The following PARP4 variants were observed in gnomAD, a reference collection of about 807,000 sequenced individuals.
PARP4 encodes the protein protein mono-ADP-ribosyltransferase PARP4.
Under a neutral mutation model 187.7 loss-of-function variants are expected in PARP4, and 120 were observed. The observed-to-expected ratio is 0.64, with a 90% CI of 0.55 to 0.74. PARP4 has a LOEUF of 0.74. Among genes scored for constraint, PARP4 ranks in the 30% least tolerant of loss-of-function variants. The pLI is 0.00. For synonymous variants in PARP4, 654 were observed against 740.9 expected (o/e 0.88, Z 1.90); for missense variants, 1,836 against 2,070.5 (o/e 0.89, Z 2.20).
At chr13:24,466,523 A>G (rs1391568842) in intron 17 of PARP4, among the ~76,000 whole-genome samples, 1 of 152,110 alleles carries the variant, frequency 6.6e-6, no homozygotes, top group East Asian at 1.9e-4. Context: ...GGCTGGGCGC[A>G]GTGGCTCACG....
At chr13:24,440,926 G>A (rs901065966) in intron 30 of PARP4, among the ~76,000 whole-genome samples, 7 of 152,212 alleles carry the variant, frequency 4.6e-5, no homozygotes, top group African/African-American at 1.7e-4. Flanking sequence ...AGGCTGGAGT[G>A]TAGGGGTGCC....
At chr13:24,507,003 C>T (rs965099827) in intron 1 of PARP4, among the ~76,000 whole-genome samples, 11 of 152,222 alleles carry the variant, frequency 7.2e-5, no homozygotes, top group Non-Finnish European at 8.8e-5. Flanking sequence ...GCTGGTGGGC[C>T]GGCACTGCTG....
rs755763082 is a variant in PARP4, at chr13:24,507,130, C to T, written c.-1-3353G>A. 2.0e-4 allele frequency among the ~76,000 whole-genome samples: 31 copies of T among 152,342 alleles called. 1 individual carries two copies. The East Asian group carries it at 4.6e-3, about 23-fold the overall frequency. The stretch of plus-strand genomic sequence containing the variant: ...GGGGACCGCCCAGCCCACGCCCAAC[C>T]GGAACTTGCGCTGGCCCGCAAGCGC... On this transcript the variant is annotated intron_variant, in intron 1 of 33. Coordinates refer to ENST00000381989, the MANE Select transcript of PARP4 (RefSeq NM_006437.4).
chr13:24,441,507 T>C (rs1870924714), intron 30 of PARP4, among the ~76,000 whole-genome samples: 1 of 152,284 alleles, frequency 6.6e-6, no homozygotes, highest in Admixed American at 6.5e-5. Flanking sequence ...GTGGTGAATT[T>C]AGATTATTAG....
In PARP4 at chr13:24,445,449, A is replaced by G. The variant is rs532306791; in HGVS notation, c.3366+1232T>C. ...CCAGAGAGGGGAGAGTTAATCACCA[A>G]TGGCCAATGATTTAATCAACCAGGC... On this transcript the variant is annotated intron_variant, in intron 27 of 33. Coordinates refer to ENST00000381989, the MANE Select transcript of PARP4 (RefSeq NM_006437.4). Among the ~76,000 whole-genome samples the G allele has an allele frequency of 3.9e-5, 6 of 152,068 alleles. No individual in the cohort carries two copies. In the South Asian group the frequency reaches 1.2e-3, roughly 32 times the overall value.
intron 12 of PARP4, among the ~76,000 whole-genome samples, chr13:24,481,834 C>T (rs1873297310): frequency 6.6e-6 from 1 of 152,148 alleles, no homozygotes; most frequent in Non-Finnish European, 1.5e-5. Context: ...ACTGTACTCT[C>T]ACCTGGGCAA....
intron 6 of PARP4, 76 bp downstream of exon 6, chr13:24,498,040 G>C: frequency 1.0e-6 from 1 of 974,688 alleles, no homozygotes; most frequent in Non-Finnish European, 1.6e-6. Flanking sequence ...AAAAGGTTGG[G>C]AGGTCGGCTG....
chr13:24,470,000 T>C lies in PARP4; in HGVS notation c.1940A>G (p.Asn647Ser), dbSNP rs372814746. 1.9e-6 allele frequency: 3 copies of C among 1,613,794 alleles called. No individual in the cohort carries two copies. Among genetic ancestry groups the C allele is most frequent in the Non-Finnish European group, 2.5e-6 (3 of 1,179,768 alleles). The change falls in exon 16 of 34, where the codon AAT becomes AGT. Residue 647 changes from asparagine (N) to serine (S), a missense_variant. Physicochemically the swap from Asn to Ser is conservative, Grantham distance 46 (BLOSUM62 1). Coordinates refer to ENST00000381989, the MANE Select transcript of PARP4 (RefSeq NM_006437.4). The part of the protein sequence containing the change: ...AQVIVFQTYT[N>S]KSHVPIEAKY... ...TGCCTCAATGGGCACGTGACTTTTATTTGTGTATGTCTGAAAAACAATGAC... is the reference window on the plus strand; with the variant it reads ...TGCCTCAATGGGCACGTGACTTTTACTTGTGTATGTCTGAAAAACAATGAC...
intron 24 of PARP4, among the ~76,000 whole-genome samples, chr13:24,450,523 T>G (rs1437401588): frequency 6.6e-6 from 1 of 152,162 alleles, no homozygotes; most frequent in East Asian, 1.9e-4. Flanking sequence ...TAACATTGAC[T>G]AGAAGATCCC....
At chr13:24,423,324 T>G (rs1336410808) in intron 33 of PARP4, among the ~76,000 whole-genome samples, 2 of 152,160 alleles carry the variant, frequency 1.3e-5, no homozygotes, top group Non-Finnish European at 2.9e-5. Context: ...GGCAGATCAC[T>G]TGAGGCCAGA....
Position 24,505,507 on chromosome 13 carries a change from C to CA in PARP4, c.-1-1731dup, listed in dbSNP as rs1489732395. ...GATAAGCCTCTGTTGGCCTTGCGGTCAAGTGGTTAGGAAGGATGTTTCTCA... is the reference window on the plus strand; with the variant it reads ...GATAAGCCTCTGTTGGCCTTGCGGTCAAAGTGGTTAGGAAGGATGTTTCTCA... On this transcript the variant is annotated intron_variant, in intron 1 of 33. Transcript: ENST00000381989. 2.0e-5 allele frequency among the ~76,000 whole-genome samples: 3 copies of CA among 152,086 alleles called. No individual in the cohort carries two copies. The East Asian group carries it at 5.8e-4, about 29-fold the overall frequency.
intron 4 of PARP4, 128 bp from the exon 5 acceptor site, chr13:24,499,504 G>A: frequency 2.8e-6 from 2 of 712,128 alleles, no homozygotes; most frequent in Non-Finnish European, 4.4e-6. Flanking sequence ...CACATGGTAA[G>A]TCCACATGGT....
chr13:24,499,370 A>G lies in PARP4; in HGVS notation c.408T>C (p.Gly136=), dbSNP rs139683851. The part of the protein sequence containing the change: ...EEDTVELTEF[G]MQNVEIPHLP... Reference sequence around the variant, plus strand: ...GATGAGGAATTTCAACATTCTGCATACCAAACCTGAAATTTGTAGTGTATA... The same window carrying G: ...GATGAGGAATTTCAACATTCTGCATGCCAAACCTGAAATTTGTAGTGTATA... Residue 136 remains glycine (G), a synonymous_variant, in exon 5 of 34, where the codon GGT becomes GGC. Coordinates refer to ENST00000381989, the MANE Select transcript of PARP4 (RefSeq NM_006437.4). The G allele has an allele frequency of 6.8e-5, 107 of 1,579,782 alleles. 1 individual carries two copies. The South Asian group carries it at 7.1e-4, about 10-fold the overall frequency.
intron 10 of PARP4, among the ~76,000 whole-genome samples, chr13:24,489,460 T>C (rs1306372146): frequency 6.6e-6 from 1 of 151,896 alleles, no homozygotes; most frequent in Non-Finnish European, 1.5e-5. Flanking sequence ...ATACAAAAAT[T>C]AGCCAGGCGT....
intron 30 of PARP4, among the ~76,000 whole-genome samples, chr13:24,436,994 T>A (rs2137445560): frequency 6.6e-6 from 1 of 152,246 alleles, no homozygotes; most frequent in Middle Eastern, 3.4e-3. Context: ...CAATCAATAG[T>A]GATGGACTAG....
At chr13:24,486,007 C>T (rs1424801693) in intron 11 of PARP4, among the ~76,000 whole-genome samples, 161 bp downstream of exon 11, 3 of 152,068 alleles carry the variant, frequency 2.0e-5, no homozygotes, top group South Asian at 2.1e-4. Context: ...TTAAATTACA[C>T]ACTTAATTAT....
intron 15 of PARP4, among the ~76,000 whole-genome samples, 200 bp from the exon 16 acceptor site, chr13:24,470,225 G>A (rs760914669): frequency 1.3e-5 from 2 of 152,228 alleles, no homozygotes; most frequent in Non-Finnish European, 2.9e-5. Flanking sequence ...CCCACGGTTA[G>A]GTGGTTCATT....
intron 12 of PARP4, among the ~76,000 whole-genome samples, chr13:24,481,667 TGG>T (rs774522574): frequency 2.0e-5 from 3 of 152,126 alleles, no homozygotes; most frequent in Non-Finnish European, 4.4e-5. Flanking sequence ...CACTCCAGCC[TGG>T]GCAACAAGAG....
intron 1 of PARP4, among the ~76,000 whole-genome samples, chr13:24,506,409 G>C (rs560618830): frequency 6.6e-6 from 1 of 152,132 alleles, no homozygotes; most frequent in African/African-American, 2.4e-5. Flanking sequence ...ACCCCAGCAG[G>C]TTGCCACTGC....
Sources: allele counts gnomAD v4.1 joint callset (sites outside exome capture counted in the v4.1 genomes callset), GRCh38; gene constraint gnomAD v4.1.1; transcripts MANE v1.5; gene names NCBI Gene and HGNC (gene_info 2026-07-23, HGNC 2026-07-21).